The following ASTN2 variants were observed in gnomAD, a reference collection of about 807,000 sequenced individuals.
ASTN2 encodes the protein astrotactin-2.
In ASTN2, 54 loss-of-function variants were observed where a neutral mutation model predicts 139.8. The observed-to-expected ratio is 0.39, with a 90% CI of 0.31 to 0.48. The LOEUF (loss-of-function observed/expected upper bound fraction) is 0.48, where lower values mean the gene tolerates loss of function less well. Among genes scored for constraint, ASTN2 ranks in the 20% least tolerant of loss-of-function variants. The pLI is 0.95. For synonymous variants in ASTN2, 756 were observed against 719.5 expected (o/e 1.05, Z -0.81); for missense variants, 1,565 against 1,725.1 (o/e 0.91, Z 1.64).
chr9:117,009,222 G>C (rs976663682), intron 6 of ASTN2, among the ~76,000 whole-genome samples: 1 of 152,032 alleles, frequency 6.6e-6, no homozygotes, highest in Non-Finnish European at 1.5e-5. Context: ...CAACATTTCT[G>C]ATGGCTAACA....
chr9:117,187,948 C>T (rs1055661086), intron 3 of ASTN2, among the ~76,000 whole-genome samples: 1 of 152,002 alleles, frequency 6.6e-6, no homozygotes, highest in Non-Finnish European at 1.5e-5. Flanking sequence ...TCCATTTTAC[C>T]AATGTGACAA....
intron 16 of ASTN2, among the ~76,000 whole-genome samples, chr9:116,677,857 C>G (rs1180939748): frequency 6.6e-6 from 1 of 152,146 alleles, no homozygotes; most frequent in Non-Finnish European, 1.5e-5. Context: ...CCTCTTCCTC[C>G]AAGGGCTTCA....
intron 3 of ASTN2, among the ~76,000 whole-genome samples, chr9:117,204,197 C>T (rs1831833361): frequency 6.6e-6 from 1 of 152,184 alleles, no homozygotes; most frequent in African/African-American, 2.4e-5. Context: ...GCTGTGTAGC[C>T]TCCCTGGCTC....
chr9:116,863,984 G>A (rs969897427), intron 10 of ASTN2, among the ~76,000 whole-genome samples: 1 of 152,122 alleles, frequency 6.6e-6, no homozygotes, highest in Non-Finnish European at 1.5e-5. Context: ...GATTCTTGGA[G>A]GTAGTCATGA....
intron 10 of ASTN2, among the ~76,000 whole-genome samples, chr9:116,870,052 T>G (rs1833119965): frequency 6.6e-6 from 1 of 150,644 alleles, no homozygotes; most frequent in African/African-American, 2.4e-5. Flanking sequence ...TTTGGGGAGG[T>G]GGGGGTCAAG....
intron 1 of ASTN2, among the ~76,000 whole-genome samples, chr9:117,328,036 T>C (rs112569241): frequency 2.7e-4 from 41 of 152,142 alleles, no homozygotes; most frequent in Non-Finnish European, 5.7e-4. Context: ...CTCAAAGGCA[T>C]GGATAGGAGA....
intron 9 of ASTN2, among the ~76,000 whole-genome samples, chr9:116,975,683 C>G (rs1836323695): frequency 6.6e-6 from 1 of 152,176 alleles, no homozygotes; most frequent in African/African-American, 2.4e-5. Flanking sequence ...TCAGCAGGGA[C>G]AGTCTGGCAC....
intron 13 of ASTN2, among the ~76,000 whole-genome samples, chr9:116,770,216 G>C (rs1265274241): frequency 6.6e-6 from 1 of 152,138 alleles, no homozygotes; most frequent in African/African-American, 2.4e-5. Context: ...AACATAGATG[G>C]GGGTTGGTGC....
chr9:117,107,072 T>C (rs1016723052), intron 4 of ASTN2, among the ~76,000 whole-genome samples: 2 of 152,328 alleles, frequency 1.3e-5, no homozygotes, highest in South Asian at 2.1e-4. Flanking sequence ...ATAGATTGCT[T>C]ATGGAATTAA....
Position 117,265,611 on chromosome 9 carries a change from T to C in ASTN2, c.630+25715A>G, listed in dbSNP as rs78580762. 1.7e-3 allele frequency among the ~76,000 whole-genome samples: 256 copies of C among 152,238 alleles called. 4 individuals are homozygous for C. In the East Asian group the frequency reaches 0.045, roughly 27 times the overall value. On this transcript the variant is annotated intron_variant, in intron 2 of 22. Coordinates refer to ENST00000313400, the MANE Select transcript of ASTN2 (RefSeq NM_001365068.1). ...AGTGGAAATGAGACAGAATCTCCAA[T>C]CCGGCCTAAATCTGCCAACCAGCAA...
intron 10 of ASTN2, among the ~76,000 whole-genome samples, chr9:116,910,246 C>G (rs1457340083): frequency 6.6e-6 from 1 of 152,146 alleles, no homozygotes; most frequent in Non-Finnish European, 1.5e-5. Context: ...CATGACAAAT[C>G]GACAGCACTT....
chr9:116,443,038 TAAGTAAAATCAAA>T (rs1295441974), intron 20 of ASTN2, among the ~76,000 whole-genome samples: 1 of 152,198 alleles, frequency 6.6e-6, no homozygotes, highest in Non-Finnish European at 1.5e-5. Context: ...ATAAAAAAAG[TAAGTAAAATCAAA>T]AAGTAAACAA....
chr9:116,969,689 T>A (rs1836127885), intron 10 of ASTN2, among the ~76,000 whole-genome samples: 1 of 152,234 alleles, frequency 6.6e-6, no homozygotes, highest in East Asian at 1.9e-4. Flanking sequence ...AGCCCTGATA[T>A]CTTTTGTTTT....
At chr9:117,002,241 G>T (rs943455226) in intron 7 of ASTN2, among the ~76,000 whole-genome samples, 4 of 152,118 alleles carry the variant, frequency 2.6e-5, no homozygotes, top group African/African-American at 9.7e-5. Flanking sequence ...GTTTTAATCT[G>T]GTTTTTAGTC....
intron 10 of ASTN2, among the ~76,000 whole-genome samples, chr9:116,910,803 C>T (rs1226765529): frequency 6.6e-6 from 1 of 152,184 alleles, no homozygotes; most frequent in Non-Finnish European, 1.5e-5. Flanking sequence ...AAGAGGGTGA[C>T]AGTGGGAGGC....
chr9:117,274,590 T>C (rs565250540), intron 2 of ASTN2, among the ~76,000 whole-genome samples: 1 of 152,310 alleles, frequency 6.6e-6, no homozygotes, highest in Admixed American at 6.5e-5. Context: ...GCATCTTAAA[T>C]TCAAAGTCAA....
chr9:117,409,448 G>A (rs1831100469), intron 1 of ASTN2, among the ~76,000 whole-genome samples: 2 of 152,192 alleles, frequency 1.3e-5, no homozygotes. Context: ...GCCAAACGGA[G>A]GTCCAGTCTG....
chr9:116,452,513 C>G (rs958141252), intron 20 of ASTN2, among the ~76,000 whole-genome samples: 1 of 152,208 alleles, frequency 6.6e-6, no homozygotes, highest in Non-Finnish European at 1.5e-5. Context: ...AGATTCCACA[C>G]ACATTTCCTG....
intron 2 of ASTN2, among the ~76,000 whole-genome samples, chr9:117,224,037 G>C (rs768662679): frequency 3.3e-5 from 5 of 152,128 alleles, no homozygotes; most frequent in Non-Finnish European, 5.9e-5. Flanking sequence ...ATCATCTTTA[G>C]ATCAGATTAG....
Sources: allele counts gnomAD v4.1 joint callset (sites outside exome capture counted in the v4.1 genomes callset), GRCh38; gene constraint gnomAD v4.1.1; transcripts MANE v1.5; gene names NCBI Gene and HGNC (gene_info 2026-07-23, HGNC 2026-07-21).